Variants in EMB observed in about 807,000 individuals in gnomAD.
EMB encodes the protein embigin.
EMB carries 31 observed loss-of-function variants against 41.4 expected under a neutral mutation model. The observed-to-expected ratio is 0.75, with a 90% CI of 0.56 to 1.01. The LOEUF is 1.01. Among genes scored for constraint, EMB ranks in the 50% least tolerant of loss-of-function variants. EMB has a pLI of 0.00. For synonymous variants in EMB, 137 were observed against 140.4 expected, an observed-to-expected ratio of 0.98 and a Z score of 0.17; for missense variants, 379 against 388.3, an observed-to-expected ratio of 0.98 and a Z score of 0.20.
chr5:50,404,505 T>TA (rs1475445731), intron 5 of EMB, among the ~76,000 whole-genome samples: 1 of 151,958 alleles, frequency 6.6e-6, no homozygotes, highest in African/African-American at 2.4e-5. Context: ...GACTCATGCT[T>TA]AGAGTCAAAT....
intron 2 of EMB, among the ~76,000 whole-genome samples, chr5:50,426,359 A>G (rs984498883): frequency 2.0e-5 from 3 of 152,238 alleles, no homozygotes; most frequent in African/African-American, 4.8e-5. Context: ...TTAGAAATAC[A>G]AACATGGTAC....
At chr5:50,420,365 A>G (rs1272144908) in intron 2 of EMB, among the ~76,000 whole-genome samples, 5 of 152,142 alleles carry the variant, frequency 3.3e-5, no homozygotes, top group South Asian at 2.1e-4. Flanking sequence ...AATCCTTGAT[A>G]TTTAGTCTTA....
At chr5:50,420,078 G>T (rs1429715044) in intron 2 of EMB, among the ~76,000 whole-genome samples, 1 of 152,088 alleles carries the variant, frequency 6.6e-6, no homozygotes, top group Non-Finnish European at 1.5e-5. Flanking sequence ...ATGCATGCTG[G>T]GCTTACTGTC....
At chr5:50,440,371 T>C (rs2111882492) in intron 1 of EMB, among the ~76,000 whole-genome samples, 1 of 151,904 alleles carries the variant, frequency 6.6e-6, no homozygotes, top group African/African-American at 2.4e-5. Context: ...CAGTCTCTAC[T>C]AAAAATATAA....
chr5:50,425,711 TG>T lies in EMB; in HGVS notation c.196+2432del, dbSNP rs937153202. Among the ~76,000 whole-genome samples the T allele has an allele frequency of 3.3e-5, 5 of 149,786 alleles. No homozygotes were observed. In the East Asian group the frequency reaches 7.9e-4, roughly 24 times the overall value. ...TAAGCAAGTGCAATTTCTTTATTTCTGGGGGGGCAGGGGAGATGGACTCTTG... is the reference window on the plus strand; with the variant it reads ...TAAGCAAGTGCAATTTCTTTATTTCTGGGGGGCAGGGGAGATGGACTCTTG... On this transcript the variant is annotated intron_variant, in intron 2 of 8. Transcript: ENST00000303221.
At position 50,428,247 on chromosome 5, in the gene EMB, T is replaced by C. The variant is rs909874178; in HGVS notation, c.113-20A>G. The C allele has an allele frequency of 6.5e-7, 1 of 1,542,396 alleles. No homozygotes were observed. Among genetic ancestry groups the C allele is most frequent in the African/African-American group, 1.4e-5 (1 of 73,460 alleles). ...GCGAATCTATAAGAGAAAGAACACA[T>C]GATTACACACTCTTATCAAGAGTAA... On this transcript the variant is annotated intron_variant, in intron 1 of 8. Coordinates refer to ENST00000303221, the MANE Select transcript of EMB (RefSeq NM_198449.3).
chr5:50,402,157 C>T (rs753446151), intron 7 of EMB, 129 bp downstream of exon 7: 5 of 935,278 alleles, frequency 5.3e-6, no homozygotes, highest in South Asian at 1.4e-5. Flanking sequence ...CCACTTTCCA[C>T]CACCACGTGG....
rs1427808239 is a variant in EMB at position 50,411,319 on chromosome 5, T to C, written c.261A>G (p.Thr87=). The C allele has an allele frequency of 5.0e-6, 8 of 1,612,858 alleles. No homozygotes were observed. In the East Asian group the frequency reaches 1.6e-4, roughly 32 times the overall value. The change falls in exon 3 of 9, where the codon ACA becomes ACG. Residue 87 remains threonine, a synonymous_variant. Coordinates refer to ENST00000303221, the MANE Select transcript of EMB (RefSeq NM_198449.3). ...AATCCCCAGATGTTGTGAACTGGCATGTGAGATTTACATTAGAAGGCCTTT... is the reference window on the plus strand; with the variant it reads ...AATCCCCAGATGTTGTGAACTGGCACGTGAGATTTACATTAGAAGGCCTTT... ...TLERPSNVNL[T]CQFTTSGDLN...
At chr5:50,436,833 G>A (rs181452951) in intron 1 of EMB, among the ~76,000 whole-genome samples, 1 of 152,338 alleles carries the variant, frequency 6.6e-6, no homozygotes, top group East Asian at 1.9e-4. Flanking sequence ...GGAAAGATGA[G>A]AGGTAGGAGG....
intron 2 of EMB, among the ~76,000 whole-genome samples, chr5:50,416,695 CTT>C (rs1271201637): frequency 6.6e-6 from 1 of 152,116 alleles, no homozygotes; most frequent in Admixed American, 6.5e-5. Context: ...ATCAGCCTGA[CTT>C]TTCATTATTC....
chr5:50,433,058 AC>A (rs1214243789), intron 1 of EMB, among the ~76,000 whole-genome samples: 3 of 152,066 alleles, frequency 2.0e-5, no homozygotes, highest in Admixed American at 6.5e-5. Flanking sequence ...AGCCTGGATG[AC>A]AGAGTGAGAC....
At chr5:50,437,347 T>G (rs888365706) in intron 1 of EMB, among the ~76,000 whole-genome samples, 2 of 152,188 alleles carry the variant, frequency 1.3e-5, no homozygotes, top group African/African-American at 4.8e-5. Context: ...TAAACAGATT[T>G]TGGTCTTTGA....
chr5:50,407,670 C>A (rs1745269285), intron 4 of EMB, among the ~76,000 whole-genome samples: 1 of 151,932 alleles, frequency 6.6e-6, no homozygotes, highest in African/African-American at 2.4e-5. Flanking sequence ...TTGAACTATT[C>A]TGGGGTTCAG....
chr5:50,422,992 G>A (rs540758926), intron 2 of EMB, among the ~76,000 whole-genome samples: 3 of 151,848 alleles, frequency 2.0e-5, no homozygotes, highest in African/African-American at 7.2e-5. Context: ...GATATATGTA[G>A]GGTATCCCTT....
At chr5:50,413,592 T>G (rs2111803466) in intron 2 of EMB, among the ~76,000 whole-genome samples, 1 of 151,782 alleles carries the variant, frequency 6.6e-6, no homozygotes, top group Non-Finnish European at 1.5e-5. Context: ...TTCTTTTTTT[T>G]TTTTTTGAGA....
intron 2 of EMB, 103 bp downstream of exon 2, chr5:50,428,041 C>G: frequency 1.4e-6 from 1 of 737,414 alleles, no homozygotes; most frequent in Non-Finnish European, 2.3e-6. Flanking sequence ...AGGCCAGGAA[C>G]AGGGATTACC....
chr5:50,431,610 T>A (rs370234397), intron 1 of EMB, among the ~76,000 whole-genome samples: 8 of 152,226 alleles, frequency 5.3e-5, no homozygotes, highest in African/African-American at 1.4e-4. Flanking sequence ...GTAAACCTCA[T>A]CTGATAGGGA....
chr5:50,415,924 A>T (rs1446395515), intron 2 of EMB, among the ~76,000 whole-genome samples: 1 of 152,248 alleles, frequency 6.6e-6, no homozygotes, highest in African/African-American at 2.4e-5. Context: ...AAAATATTTT[A>T]AAAATACACA....
In EMB at chr5:50,426,248, T is replaced by C. The variant is rs553059072; in HGVS notation, c.196+1896A>G. On this transcript the variant is annotated intron_variant, in intron 2 of 8. Coordinates refer to ENST00000303221, the MANE Select transcript of EMB (RefSeq NM_198449.3). ...AGCTCCAACTCAGGAACTGTGATCC[T>C]GGTCAGTTCACTTCGCCTCTTTGTG... 4.6e-5 allele frequency among the ~76,000 whole-genome samples: 7 copies of C among 152,350 alleles called. No homozygotes were observed. In the South Asian group the frequency reaches 1.5e-3, roughly 32 times the overall value.
Sources: allele counts gnomAD v4.1 joint callset (sites outside exome capture counted in the v4.1 genomes callset), GRCh38; gene constraint gnomAD v4.1.1; transcripts MANE v1.5; gene names NCBI Gene and HGNC (gene_info 2026-07-23, HGNC 2026-07-21).